SLC6A4: variants seen among roughly 807,000 people sequenced by gnomAD.
SLC6A4 encodes the protein solute carrier family 6 member 4.
In SLC6A4, 22 loss-of-function variants were observed where a neutral mutation model predicts 73.4. That is an observed-to-expected ratio of 0.30 (90% CI 0.21 to 0.43). The LOEUF (loss-of-function observed/expected upper bound fraction) is 0.43. SLC6A4 is among the 20% of genes least tolerant of loss of function. The probability of loss-of-function intolerance (pLI) is 1.00; values close to 1 mark genes in which losing one functional copy is unlikely to be tolerated. For missense variants in SLC6A4, 593 were observed against 808.5 expected (o/e 0.73, Z 3.23); for synonymous variants, 270 against 315.5 (o/e 0.86, Z 1.53).
At chr17:30,218,693 T>G in intron 4 of SLC6A4, 104 bp downstream of exon 4, 1 of 1,244,552 alleles carries the variant, frequency 8.0e-7, no homozygotes, top group Non-Finnish European at 1.2e-6. Flanking sequence ...CAGGGATGCC[T>G]AAGGCCTGAC....
chr17:30,200,536 T>G (rs1274706169), intron 14 of SLC6A4, among the ~76,000 whole-genome samples: 1 of 152,158 alleles, frequency 6.6e-6, no homozygotes, highest in South Asian at 2.1e-4. Context: ...CAGTAAGCGG[T>G]GGCTCACTCC....
intron 5 of SLC6A4, 34 bp downstream of exon 5, chr17:30,218,084 C>CT: frequency 6.3e-7 from 1 of 1,579,428 alleles, no homozygotes; most frequent in South Asian, 1.1e-5. Flanking sequence ...TGGCCTGCCC[C>CT]TAACAGGCCA....
Position 30,207,273 on chromosome 17 carries a change from T to TTTTG in SLC6A4, c.1650+455_1650+458dup, listed in dbSNP as rs564957641. Among the ~76,000 whole-genome samples the TTTTG allele has an allele frequency of 1.2e-3, 182 of 152,270 alleles. 2 individuals carry two copies. The highest frequency in any genetic ancestry group is 0.01 in the Middle Eastern group (3 of 294). On this transcript the variant is annotated intron_variant, in intron 13 of 14. Transcript: ENST00000650711. The stretch of plus-strand genomic sequence containing the variant: ...GGGGCTTCTGAAGTGCTGGTCATGT[T>TTTTG]TTTGTCTCCTGGTATGGTTTTGGCT...
In SLC6A4 at chr17:30,217,274, C is replaced by A; in HGVS notation, c.729G>T (p.Lys243Asn). The A allele has an allele frequency of 6.2e-7, 1 of 1,614,200 alleles. No individual in the cohort carries two copies. Among genetic ancestry groups the A allele is most frequent in the South Asian group, 1.1e-5 (1 of 91,084 alleles). ...TGATGCCCCCCAGGTCCTGGAGCCC[C>A]TTAGACCGGTGGATCTGCAGGACGT... ...TRHVLQIHRS[K>N]GLQDLGGISW... Residue 243 changes from lysine (K) to asparagine (N), a missense_variant, in exon 6 of 15, where the codon AAG (lysine) becomes AAT (asparagine). Transcript: ENST00000650711.
intron 8 of SLC6A4, among the ~76,000 whole-genome samples, chr17:30,213,914 T>C (rs1274281825): frequency 1.3e-5 from 2 of 151,822 alleles, no homozygotes; most frequent in African/African-American, 4.8e-5. Flanking sequence ...ACTCAGCTAA[T>C]TTTTAAATTT....
chr17:30,205,767 A>C (rs1906173974), intron 13 of SLC6A4, among the ~76,000 whole-genome samples: 1 of 152,228 alleles, frequency 6.6e-6, no homozygotes, highest in Non-Finnish European at 1.5e-5. Context: ...GGGTACAGAG[A>C]GACACATGCA....
chr17:30,201,690 G>A lies in SLC6A4; in HGVS notation c.1818+1482C>T, dbSNP rs577201611. 5.3e-5 allele frequency among the ~76,000 whole-genome samples: 8 copies of A among 152,316 alleles called. No individual in the cohort carries two copies. In the South Asian group the frequency reaches 1.7e-3, roughly 32 times the overall value. ...CGGGACCCAAGGCTCTTTAGGGGGA[G>A]TGCGGTCATGAGAGGGCTGGTTTGG... On this transcript the variant is annotated intron_variant, in intron 14 of 14. Coordinates refer to ENST00000650711, the MANE Select transcript of SLC6A4 (RefSeq NM_001045.6).
chr17:30,229,182 C>A (rs55682915), intron 1 of SLC6A4, among the ~76,000 whole-genome samples: 1 of 152,160 alleles, frequency 6.6e-6, no homozygotes, highest in African/African-American at 2.4e-5. Context: ...ACTGACATGC[C>A]CAGGATTAAA....
At chr17:30,220,065 T>C (rs1052704087) in intron 3 of SLC6A4, among the ~76,000 whole-genome samples, 14 of 152,180 alleles carry the variant, frequency 9.2e-5, no homozygotes, top group Non-Finnish European at 7.4e-5. Flanking sequence ...AAGGTGATTA[T>C]GACTTTTGCT....
rs1905885525 is a variant in SLC6A4, at chr17:30,197,072, C to G, written c.*1384G>C. 6.6e-6 allele frequency: 1 copy of G among 152,304 alleles called. No homozygotes were observed. Among genetic ancestry groups the G allele is most frequent in the South Asian group, 2.1e-4 (1 of 4,822 alleles). The allele number at this position is 152,304 out of a possible 1,614,324, so 9.4% of individuals were successfully genotyped here. A position where few individuals can be genotyped will look rare whatever the true frequency, so the allele number is the denominator to read the frequency against. ...GTCTCTGATGAGGATTTATTCCCCT[C>G]AAAATTCTGATAAGGAATTCCCATG... On this transcript the variant is annotated 3_prime_UTR_variant, in exon 15 of 15. Transcript: ENST00000650711.
intron 3 of SLC6A4, among the ~76,000 whole-genome samples, chr17:30,221,300 G>A (rs1906741228): frequency 2.6e-5 from 4 of 152,030 alleles, no homozygotes; most frequent in Non-Finnish European, 4.4e-5. Flanking sequence ...CTACCAGCTC[G>A]AAAGTCTAAG....
rs1906606696 is a variant in SLC6A4 at position 30,217,245 on chromosome 17, C to T, written c.758G>A (p.Trp253Ter). Residue 253 changes from tryptophan to a stop codon, truncating the protein, a stop_gained, in exon 6 of 15, where the codon TGG (tryptophan) becomes TAG (stop). Transcript: ENST00000650711. LOFTEE classifies it high-confidence loss of function. ...KGLQDLGGIS[W>*]QLALCIMLIF... ...CAGCATGATGCAGAGGGCCAGCTGC[C>T]AGCTGATGCCCCCCAGGTCCTGGAG... 1 of 1,614,054 alleles carries T rather than the reference C, an allele frequency of 6.2e-7. No homozygotes were observed. The highest frequency in any genetic ancestry group is 8.5e-7 in the Non-Finnish European group (1 of 1,179,896).
chr17:30,204,921 G>C (rs1281254185), intron 13 of SLC6A4, among the ~76,000 whole-genome samples: 1 of 152,176 alleles, frequency 6.6e-6, no homozygotes, highest in Admixed American at 6.5e-5. Flanking sequence ...AGTGTACCCA[G>C]TCTGACAGCA....
At chr17:30,221,579 TG>T in intron 3 of SLC6A4, 36 bp downstream of exon 3, 1 of 1,569,758 alleles carries the variant, frequency 6.4e-7, no homozygotes, top group Non-Finnish European at 8.7e-7. Flanking sequence ...CAGCCCACCC[TG>T]GGTCACAGCC....
intron 13 of SLC6A4, chr17:30,203,547 T>C: frequency 1.8e-6 from 1 of 553,470 alleles, no homozygotes; most frequent in Non-Finnish European, 3.2e-6. Context: ...GTGCTTTCCC[T>C]GATTTTCCTC....
intron 14 of SLC6A4, 93 bp downstream of exon 14, chr17:30,203,079 T>G (rs976113613): frequency 1.9e-6 from 2 of 1,069,108 alleles, no homozygotes; most frequent in Non-Finnish European, 2.8e-6. Context: ...TCCTGGTGAA[T>G]CTCATTTTGA....
chr17:30,221,124 C>T (rs1906735018), intron 3 of SLC6A4, among the ~76,000 whole-genome samples: 1 of 151,630 alleles, frequency 6.6e-6, no homozygotes, highest in South Asian at 2.1e-4. Flanking sequence ...CTACAGGCGC[C>T]CACCACCATA....
chr17:30,232,825 G>A (rs1227719403), intron 1 of SLC6A4, among the ~76,000 whole-genome samples: 1 of 152,180 alleles, frequency 6.6e-6, no homozygotes, highest in Non-Finnish European at 1.5e-5. Context: ...CAGGCTGAAG[G>A]GAGCAGCCCC....
At chr17:30,230,425 T>G (rs1019705586) in intron 1 of SLC6A4, among the ~76,000 whole-genome samples, 6 of 152,178 alleles carry the variant, frequency 3.9e-5, no homozygotes, top group African/African-American at 1.4e-4. Context: ...ATAGAACACA[T>G]GGGAACATGT....
Sources: gnomAD v4.1 joint callset for allele counts (sites outside exome capture counted in the v4.1 genomes callset) on GRCh38, gnomAD v4.1.1 for gene constraint, MANE v1.5 for transcripts, NCBI Gene and HGNC (gene_info 2026-07-23, HGNC 2026-07-21) for gene names.